The following MTUS2 variants were observed in gnomAD, a reference collection of about 807,000 sequenced individuals.
MTUS2 encodes the protein microtubule associated scaffold protein 2.
MTUS2 carries 40 observed loss-of-function variants against 114.1 expected under a neutral mutation model. That is an observed-to-expected ratio of 0.35 (90% CI 0.27 to 0.46). The LOEUF is 0.46. Among genes scored for constraint, MTUS2 ranks in the 20% least tolerant of loss-of-function variants. MTUS2 has a pLI of 1.00. For missense variants in MTUS2, 1,679 were observed against 1,705.4 expected (o/e 0.98, Z 0.27); for synonymous variants, 688 against 672.0 (o/e 1.02, Z -0.37).
intron 5 of MTUS2, among the ~76,000 whole-genome samples, chr13:29,172,692 A>G (rs1179779233): frequency 6.6e-6 from 1 of 152,218 alleles, no homozygotes; most frequent in Non-Finnish European, 1.5e-5. Flanking sequence ...GTTTATCTCA[A>G]TTAAAAATTG....
At chr13:29,443,094 G>C (rs1347369617) in intron 9 of MTUS2, among the ~76,000 whole-genome samples, 1 of 152,156 alleles carries the variant, frequency 6.6e-6, no homozygotes, top group Non-Finnish European at 1.5e-5. Flanking sequence ...TTAGGTTCAG[G>C]TGGGGCGAGC....
intron 5 of MTUS2, among the ~76,000 whole-genome samples, chr13:29,244,164 A>AG (rs1566087518): frequency 4.6e-5 from 7 of 152,140 alleles, no homozygotes; most frequent in African/African-American, 1.7e-4. Context: ...TACATTCTGG[A>AG]AGGAGTAGGG....
intron 5 of MTUS2, among the ~76,000 whole-genome samples, chr13:29,235,154 T>C (rs936662726): frequency 6.6e-6 from 1 of 152,158 alleles, no homozygotes; most frequent in Admixed American, 6.5e-5. Context: ...TGGAGTGCAG[T>C]GGCACGATCT....
intron 9 of MTUS2, among the ~76,000 whole-genome samples, chr13:29,458,398 T>C (rs1468751101): frequency 6.6e-6 from 1 of 152,266 alleles, no homozygotes; most frequent in Non-Finnish European, 1.5e-5. Context: ...AAAAGTATTC[T>C]AGGGGTTTTA....
chr13:29,011,248 G>A (rs886907715), intron 2 of MTUS2, among the ~76,000 whole-genome samples: 1 of 152,054 alleles, frequency 6.6e-6, no homozygotes, highest in African/African-American at 2.4e-5. Flanking sequence ...ACTTACTCAG[G>A]TTTGTGCTTT....
intron 2 of MTUS2, among the ~76,000 whole-genome samples, chr13:28,881,942 C>T (rs1161500708): frequency 6.6e-6 from 1 of 152,140 alleles, no homozygotes; most frequent in Non-Finnish European, 1.5e-5. Context: ...ACAAAGGTAT[C>T]AAGGTATTGC....
chr13:29,252,401 C>T (rs1593224375), intron 5 of MTUS2, among the ~76,000 whole-genome samples: 1 of 152,114 alleles, frequency 6.6e-6, no homozygotes, highest in African/African-American at 2.4e-5. Context: ...TTGGCCTCAT[C>T]CTGATAGTTA....
intron 5 of MTUS2, among the ~76,000 whole-genome samples, chr13:29,108,844 T>C (rs796542439): frequency 1.8e-4 from 27 of 152,326 alleles, no homozygotes; most frequent in African/African-American, 6.3e-4. Context: ...GATGGAATTC[T>C]TCCACATTGG....
intron 5 of MTUS2, among the ~76,000 whole-genome samples, chr13:29,223,737 G>T (rs935124519): frequency 6.6e-6 from 1 of 152,208 alleles, no homozygotes; most frequent in East Asian, 1.9e-4. Flanking sequence ...TGTTGGAGGT[G>T]ATGAGAAGGA....
chr13:29,067,075 T>C (rs1052060225), intron 4 of MTUS2, among the ~76,000 whole-genome samples: 1 of 152,140 alleles, frequency 6.6e-6, no homozygotes, highest in African/African-American at 2.4e-5. Context: ...TGGTGGAAGA[T>C]AGTTGTTTGA....
chr13:29,174,108 C>T (rs1442386334), intron 5 of MTUS2, among the ~76,000 whole-genome samples: 1 of 152,124 alleles, frequency 6.6e-6, no homozygotes, highest in Non-Finnish European at 1.5e-5. Flanking sequence ...GTTGTTCCTT[C>T]GTGTTTCCTC....
intron 2 of MTUS2, among the ~76,000 whole-genome samples, chr13:28,972,981 AT>A (rs1353076880): frequency 5.9e-5 from 9 of 152,048 alleles, no homozygotes; most frequent in Non-Finnish European, 2.9e-5. Flanking sequence ...GCATGATTTT[AT>A]CCTCTTATTA....
intron 4 of MTUS2, among the ~76,000 whole-genome samples, chr13:29,086,953 G>A (rs932736082): frequency 6.6e-6 from 1 of 152,094 alleles, no homozygotes; most frequent in East Asian, 1.9e-4. Flanking sequence ...TATTAATTTT[G>A]TATTCTGAAA....
chr13:28,992,346 G>A (rs1884899592), intron 2 of MTUS2, among the ~76,000 whole-genome samples: 1 of 152,230 alleles, frequency 6.6e-6, no homozygotes, highest in Non-Finnish European at 1.5e-5. Flanking sequence ...GTTGATATTA[G>A]TGTTTGGTTT....
rs529496352 is a variant in MTUS2, at chr13:29,136,825, A to G, written c.2644+35855A>G. On this transcript the variant is annotated intron_variant, in intron 5 of 15. Transcript: ENST00000612955. ...ATCAAAACCCAAGGAGGATATCATGAACCCTCAGTCAGAAGTATATGTGAC... is the reference window on the plus strand; with the variant it reads ...ATCAAAACCCAAGGAGGATATCATGGACCCTCAGTCAGAAGTATATGTGAC... Among the ~76,000 whole-genome samples the G allele has an allele frequency of 2.0e-5, 3 of 152,360 alleles. No individual in the cohort carries two copies. In the South Asian group the frequency reaches 6.2e-4, roughly 32 times the overall value.
At chr13:29,066,798 G>A (rs750531845) in intron 4 of MTUS2, among the ~76,000 whole-genome samples, 4 of 152,258 alleles carry the variant, frequency 2.6e-5, no homozygotes, top group Admixed American at 1.3e-4. Context: ...TCATTAGGAA[G>A]AGATGAATAC....
chr13:29,002,971 AG>A (rs1885451684), intron 2 of MTUS2, among the ~76,000 whole-genome samples: 1 of 152,196 alleles, frequency 6.6e-6, no homozygotes, highest in Admixed American at 6.5e-5. Context: ...AGATATTCAA[AG>A]ATTAGACTCC....
chr13:29,404,863 A>G (rs1874631742), intron 8 of MTUS2, among the ~76,000 whole-genome samples: 1 of 152,220 alleles, frequency 6.6e-6, no homozygotes, highest in South Asian at 2.1e-4. Flanking sequence ...AAGCTAAGCT[A>G]AAGAAGAGGA....
intron 4 of MTUS2, among the ~76,000 whole-genome samples, chr13:29,091,761 T>C (rs1178831292): frequency 6.6e-6 from 1 of 152,202 alleles, no homozygotes; most frequent in Admixed American, 6.5e-5. Context: ...CATAATCTTA[T>C]TCCAAAATCA....
Sources: allele counts gnomAD v4.1 joint callset (sites outside exome capture counted in the v4.1 genomes callset), GRCh38; gene constraint gnomAD v4.1.1; transcripts MANE v1.5; gene names NCBI Gene and HGNC (gene_info 2026-07-23, HGNC 2026-07-21).